METAP1D: variants seen among roughly 807,000 people sequenced by gnomAD.
METAP1D encodes methionyl aminopeptidase type 1D, mitochondrial, also known as methionine aminopeptidase 1D, mitochondrial.
Under a neutral mutation model 40.5 loss-of-function variants are expected in METAP1D, and 31 were observed. The ratio of observed to expected loss-of-function variants is 0.77; its 90% CI spans 0.58 to 1.03. The LOEUF is 1.03. Among genes scored for constraint, METAP1D ranks in the 50% least tolerant of loss-of-function variants. The pLI, the probability that METAP1D is intolerant of heterozygous loss-of-function variation, is 0.00. For missense variants in METAP1D, 411 were observed against 420.7 expected, an observed-to-expected ratio of 0.98 and a Z score of 0.20; for synonymous variants, 151 against 146.4, an observed-to-expected ratio of 1.03 and a Z score of -0.22.
chr2:172,017,252 A>G (rs1179577463), intron 1 of METAP1D, among the ~76,000 whole-genome samples: 3 of 150,214 alleles, frequency 2.0e-5, no homozygotes, highest in African/African-American at 7.4e-5. Flanking sequence ...ACACACACAC[A>G]CACACACACA....
chr2:172,044,901 T>A (rs530586746), intron 1 of METAP1D, among the ~76,000 whole-genome samples: 7,638 of 130,390 alleles, frequency 0.059, 1,777 homozygotes, highest in Non-Finnish European at 0.084. Flanking sequence ...AAAAAATAAA[T>A]AAATAAATAA....
intron 1 of METAP1D, among the ~76,000 whole-genome samples, chr2:172,009,741 G>A (rs1252237564): frequency 1.3e-5 from 2 of 152,148 alleles, no homozygotes; most frequent in African/African-American, 2.4e-5. Flanking sequence ...TGCTGCTTGT[G>A]TGTTCTGAAT....
At chr2:172,008,704 A>G (rs1688644536) in intron 1 of METAP1D, among the ~76,000 whole-genome samples, 1 of 26,974 alleles carries the variant, frequency 3.7e-5, no homozygotes, top group Admixed American at 2.7e-4. Context: ...CTCTCAAAAT[A>G]TCTTTTTCAC....
In METAP1D at chr2:172,080,298, G is replaced by A. The variant is rs1458789160; in HGVS notation, c.930-30G>A. On this transcript the variant is annotated intron_variant, in intron 9 of 9. Coordinates refer to ENST00000315796, the MANE Select transcript of METAP1D (RefSeq NM_199227.3). ...TGTGGCCCGGCCGGAGCTTGCGTGC[G>A]CGTTCTGACGGCTGGGTGCTGTGTT... The A allele has an allele frequency of 3.1e-6, 5 of 1,614,036 alleles. No homozygotes were observed. In the African/African-American group the frequency reaches 6.7e-5, roughly 22 times the overall value.
chr2:172,080,845 A>C lies in METAP1D; in HGVS notation c.*439A>C. 1 of 188,448 alleles carries C rather than the reference A, an allele frequency of 5.3e-6. No individual in the cohort carries two copies. The highest frequency in any genetic ancestry group is 1.5e-4 in the East Asian group (1 of 6,550). The allele number at this position is 188,448 out of a possible 1,614,324, so 11.7% of individuals were successfully genotyped here. Reference sequence around the variant, plus strand: ...TTTGCACGTCTGCCGAAAAATCCGAACCTGTTGACTGGGATTTTTAAGAAT... The same window carrying C: ...TTTGCACGTCTGCCGAAAAATCCGACCCTGTTGACTGGGATTTTTAAGAAT... On this transcript the variant is annotated 3_prime_UTR_variant, in exon 10 of 10. Transcript: ENST00000315796.
intron 4 of METAP1D, 31 bp from the exon 5 acceptor site, chr2:172,066,233 A>C: frequency 6.3e-7 from 1 of 1,590,816 alleles, no homozygotes; most frequent in Non-Finnish European, 8.6e-7. Context: ...AGATCTGTCT[A>C]TCACCATTTT....
intron 5 of METAP1D, among the ~76,000 whole-genome samples, chr2:172,069,653 G>A (rs771942701): frequency 6.6e-6 from 1 of 152,200 alleles, no homozygotes; most frequent in Non-Finnish European, 1.5e-5. Context: ...GCAAAGGACT[G>A]TAAGTGGGAG....
intron 7 of METAP1D, 24 bp from the exon 8 acceptor site, chr2:172,079,191 C>T: frequency 6.2e-7 from 1 of 1,612,024 alleles, no homozygotes; most frequent in Non-Finnish European, 8.5e-7. Context: ...CCTATTCTCA[C>T]CCCCCATGTT....
intron 1 of METAP1D, among the ~76,000 whole-genome samples, chr2:172,021,177 A>C (rs756799594): frequency 6.6e-6 from 1 of 152,154 alleles, no homozygotes; most frequent in Non-Finnish European, 1.5e-5. Context: ...TTTCACGTTT[A>C]GGTAAAAAGA....
chr2:172,015,325 T>G (rs1420948181), intron 1 of METAP1D, among the ~76,000 whole-genome samples: 3 of 152,022 alleles, frequency 2.0e-5, no homozygotes, highest in Non-Finnish European at 4.4e-5. Flanking sequence ...AGCAGGAGAA[T>G]CACTTGAACC....
chr2:172,081,290 T>C lies in METAP1D; in HGVS notation c.*884T>C, dbSNP rs1690708445. ...TTAGTGGGCGGTCTAGTCTCTAAAA[T>C]GACCCCTCCCCAGACTGGCCCTTCT... On this transcript the variant is annotated 3_prime_UTR_variant, in exon 10 of 10. Transcript: ENST00000315796. The C allele has an allele frequency of 6.6e-6, 1 of 152,266 alleles. No individual in the cohort carries two copies. Among genetic ancestry groups the C allele is most frequent in the Non-Finnish European group, 1.5e-5 (1 of 68,190 alleles). The allele number at this position is 152,266 out of a possible 1,614,324, so 9.4% of individuals were successfully genotyped here.
Position 172,077,451 on chromosome 2 carries a change from T to C in METAP1D, c.705-346T>C, listed in dbSNP as rs1209501962. ...GCAGGTTTTTATGACCTGCATTATA[T>C]GCACATATATCCCGGTTATGTATGG... On this transcript the variant is annotated intron_variant, in intron 6 of 9. Coordinates refer to ENST00000315796, the MANE Select transcript of METAP1D (RefSeq NM_199227.3). 6.6e-5 allele frequency among the ~76,000 whole-genome samples: 10 copies of C among 152,260 alleles called. No individual in the cohort carries two copies. The East Asian group carries it at 1.9e-3, about 29-fold the overall frequency.
In METAP1D at chr2:172,045,668, A is replaced by G. The variant is rs1385535338; in HGVS notation, c.41-15830A>G. Among the ~76,000 whole-genome samples the G allele has an allele frequency of 1.7e-3, 249 of 144,966 alleles. 3 individuals carry two copies. Among genetic ancestry groups the G allele is most frequent in the African/African-American group, 6.0e-3 (237 of 39,592 alleles). ...AAGAGTGAAACTCCGTCTCAGGAAA[A>G]AAAAAAAAAAAAAAAGGATCATTCA... On this transcript the variant is annotated intron_variant, in intron 1 of 9. Coordinates refer to ENST00000315796, the MANE Select transcript of METAP1D (RefSeq NM_199227.3).
chr2:172,071,082 A>G lies in METAP1D; in HGVS notation c.704+12A>G. On this transcript the variant is annotated intron_variant, in intron 6 of 9. Coordinates refer to ENST00000315796, the MANE Select transcript of METAP1D (RefSeq NM_199227.3). ...GGAAACACAATCAGGTAAGCCTTAC[A>G]TTGACAAGTAAAGGGAGGGTTGGCA... 5 of 1,596,258 alleles carry G rather than the reference A, an allele frequency of 3.1e-6. No individual in the cohort carries two copies. Among genetic ancestry groups the G allele is most frequent in the Admixed American group, 1.7e-5 (1 of 57,462 alleles).
At position 172,068,056 on chromosome 2, in the gene METAP1D, T is replaced by G. The variant is rs12616766; in HGVS notation, c.540+1750T>G. The stretch of plus-strand genomic sequence containing the variant: ...AATGTTTTTCTTAAAGACAATGCGA[T>G]GTCCATAGTAGTTGCTCAATAAATA... On this transcript the variant is annotated intron_variant, in intron 5 of 9. Coordinates refer to ENST00000315796, the MANE Select transcript of METAP1D (RefSeq NM_199227.3). Among the ~76,000 whole-genome samples the G allele has an allele frequency of 0.028, 4,240 of 152,250 alleles. 592 individuals carry two copies. The East Asian group carries it at 0.45, about 16-fold the overall frequency.
chr2:172,049,018 T>C (rs1448444934), intron 1 of METAP1D, among the ~76,000 whole-genome samples: 1 of 152,200 alleles, frequency 6.6e-6, no homozygotes, highest in Admixed American at 6.5e-5. Context: ...AGGGTTTCGC[T>C]CTGTTGCCTA....
rs1484702023 is a variant in METAP1D at position 172,030,233 on chromosome 2, G to T, written c.40+30224G>T. ...GACTCCTGAGTAGCTGGGATTACAG[G>T]CATGTGCCACCATGCCTGGCTAATT... is the stretch of plus-strand genomic sequence containing the variant. On this transcript the variant is annotated intron_variant, in intron 1 of 9. Transcript: ENST00000315796. Among the ~76,000 whole-genome samples the T allele has an allele frequency of 3.3e-5, 5 of 151,766 alleles. 1 individual carries two copies. The highest frequency in any genetic ancestry group is 6.6e-5 in the Admixed American group (1 of 15,224).
At chr2:172,003,537 A>G (rs1688512542) in intron 1 of METAP1D, among the ~76,000 whole-genome samples, 1 of 151,942 alleles carries the variant, frequency 6.6e-6, no homozygotes, top group Non-Finnish European at 1.5e-5. Flanking sequence ...GTCTCAGGAG[A>G]TCTGATAGTT....
At chr2:172,041,570 A>G (rs568280966) in intron 1 of METAP1D, among the ~76,000 whole-genome samples, 1 of 126,044 alleles carries the variant, frequency 7.9e-6, no homozygotes, top group South Asian at 2.6e-4. Context: ...ATGTAGATCT[A>G]TATTGTTTTG....
Sources: gnomAD v4.1 joint callset for allele counts (sites outside exome capture counted in the v4.1 genomes callset) on GRCh38, gnomAD v4.1.1 for gene constraint, MANE v1.5 for transcripts, NCBI Gene and HGNC (gene_info 2026-07-23, HGNC 2026-07-21) for gene names.